QTMAN: variants seen among roughly 807,000 people sequenced by gnomAD.
The protein encoded by QTMAN is tRNA-queuosine alpha-mannosyltransferase.
the QTMAN span, among the ~76,000 whole-genome samples, chr2:144,201,179 C>G: frequency 6.6e-6 from 1 of 152,058 alleles, no homozygotes; most frequent in South Asian, 2.1e-4. Context: ...AAATAGAGGT[C>G]TCATTTTAGA....
At chr2:144,119,948 A>G in the QTMAN span, among the ~76,000 whole-genome samples, 2 of 152,216 alleles carry the variant, frequency 1.3e-5, no homozygotes, top group African/African-American at 4.8e-5. Flanking sequence ...CATAAACTGA[A>G]GTGGTATTGA....
chr2:144,245,345 C>A, the QTMAN span, among the ~76,000 whole-genome samples: 1 of 152,100 alleles, frequency 6.6e-6, no homozygotes, highest in Non-Finnish European at 1.5e-5. Flanking sequence ...TTAACTAGTT[C>A]TTTACTTTTT....
At chr2:144,270,335 A>G in the QTMAN span, among the ~76,000 whole-genome samples, 2 of 152,230 alleles carry the variant, frequency 1.3e-5, no homozygotes, top group Non-Finnish European at 1.5e-5. Flanking sequence ...AAATCATCCA[A>G]CCGTAAAGAT....
At chr2:144,121,750 T>C in the QTMAN span, among the ~76,000 whole-genome samples, 1 of 152,228 alleles carries the variant, frequency 6.6e-6, no homozygotes, top group East Asian at 1.9e-4. Flanking sequence ...TGTGCCAGCA[T>C]GAAGCCCTAA....
At chr2:144,164,626 T>A in the QTMAN span, among the ~76,000 whole-genome samples, 1 of 152,152 alleles carries the variant, frequency 6.6e-6, no homozygotes, top group African/African-American at 2.4e-5. Flanking sequence ...ATAACCATTT[T>A]CCAGAGCCAC....
the QTMAN span, among the ~76,000 whole-genome samples, chr2:144,286,455 T>C: frequency 6.6e-6 from 1 of 152,378 alleles, no homozygotes; most frequent in South Asian, 2.1e-4. Context: ...CAGCTTATAA[T>C]GCCTTTGACT....
At chr2:143,954,139 T>C in the QTMAN span, among the ~76,000 whole-genome samples, 1 of 151,954 alleles carries the variant, frequency 6.6e-6, no homozygotes, top group African/African-American at 2.4e-5. Context: ...AAATTCTTAT[T>C]ATAAGCACAG....
At chr2:144,287,842 T>C in the QTMAN span, among the ~76,000 whole-genome samples, 2 of 152,184 alleles carry the variant, frequency 1.3e-5, no homozygotes, top group African/African-American at 4.8e-5. Context: ...AATTTATTTA[T>C]GTATTCATTT....
the QTMAN span, among the ~76,000 whole-genome samples, chr2:143,981,014 T>G: frequency 6.6e-6 from 1 of 152,226 alleles, no homozygotes; most frequent in Non-Finnish European, 1.5e-5. Flanking sequence ...CTGCCACTCC[T>G]TGTCCACTAC....
chr2:144,265,953 A>G, the QTMAN span, among the ~76,000 whole-genome samples: 1 of 152,198 alleles, frequency 6.6e-6, no homozygotes, highest in Admixed American at 6.5e-5. Flanking sequence ...CCACACATTC[A>G]TCTATATTCA....
the QTMAN span, among the ~76,000 whole-genome samples, chr2:144,266,999 G>T: frequency 1.3e-5 from 2 of 152,070 alleles, no homozygotes; most frequent in African/African-American, 2.4e-5. Flanking sequence ...ACAGCATAAA[G>T]GACACCACAC....
At chr2:144,037,444 A>C in the QTMAN span, among the ~76,000 whole-genome samples, 15,686 of 152,202 alleles carry the variant, frequency 0.1, 1,247 homozygotes, top group East Asian at 0.26. Flanking sequence ...GCCACCTTGT[A>C]TCCAGACTTG....
the QTMAN span, among the ~76,000 whole-genome samples, chr2:144,112,705 C>T: frequency 2.0e-5 from 3 of 152,232 alleles, no homozygotes; most frequent in African/African-American, 7.2e-5. Context: ...TCTCCACCCC[C>T]ACCAGTGCCA....
chr2:144,133,845 G>A, the QTMAN span, among the ~76,000 whole-genome samples: 1 of 151,678 alleles, frequency 6.6e-6, no homozygotes, highest in Non-Finnish European at 1.5e-5. Context: ...TAGCAAATAT[G>A]GTTAAGTTTA....
chr2:144,139,531 G>A, the QTMAN span, among the ~76,000 whole-genome samples: 12 of 151,964 alleles, frequency 7.9e-5, no homozygotes, highest in African/African-American at 2.9e-4. Flanking sequence ...AGTAAGTGGT[G>A]GTCAAAACTC....
chr2:144,126,849 A>G, the QTMAN span, among the ~76,000 whole-genome samples: 5 of 152,020 alleles, frequency 3.3e-5, no homozygotes, highest in Non-Finnish European at 5.9e-5. Context: ...TAAGGACTAT[A>G]TTTTTGAAGG....
At chr2:144,102,135 T>C in the QTMAN span, among the ~76,000 whole-genome samples, 1 of 152,336 alleles carries the variant, frequency 6.6e-6, no homozygotes, top group East Asian at 1.9e-4. Flanking sequence ...GCTTGGTCTT[T>C]AAATAAAGTT....
At chr2:144,072,704 C>T in the QTMAN span, among the ~76,000 whole-genome samples, 7 of 152,190 alleles carry the variant, frequency 4.6e-5, no homozygotes, top group Middle Eastern at 3.2e-3. Context: ...CCAGGCCAAA[C>T]GCCTTCACAA....
the QTMAN span, among the ~76,000 whole-genome samples, chr2:144,288,266 T>C: frequency 2.6e-5 from 4 of 152,312 alleles, no homozygotes; most frequent in Admixed American, 1.3e-4. Context: ...AAAGTTTATC[T>C]GTTATCCCCC....
Sources: gnomAD v4.1 joint callset for allele counts (sites outside exome capture counted in the v4.1 genomes callset) on GRCh38, gnomAD v4.1.1 for gene constraint, MANE v1.5 for transcripts, NCBI Gene and HGNC (gene_info 2026-07-23, HGNC 2026-07-21) for gene names.